The following CNTNAP2 variants were observed in gnomAD, a reference collection of about 807,000 sequenced individuals.
CNTNAP2 encodes contactin-associated protein-like 2.
A neutral mutation model predicts 155.2 loss-of-function variants in CNTNAP2; 98 were observed. The ratio of observed to expected loss-of-function variants is 0.63; its 90% CI spans 0.54 to 0.75. The LOEUF (loss-of-function observed/expected upper bound fraction) is 0.75. Ranked by LOEUF, CNTNAP2 falls within the 30% of genes least tolerant of loss-of-function variation. The probability of loss-of-function intolerance (pLI) is 0.00; values close to 1 mark genes in which losing one functional copy is unlikely to be tolerated. For synonymous variants in CNTNAP2, 651 were observed against 631.2 expected (o/e 1.03, Z -0.47); for missense variants, 1,727 against 1,688.1 (o/e 1.02, Z -0.40).
In CNTNAP2 at chr7:147,593,445, G is replaced by A. The variant is rs1255805491; in HGVS notation, c.1897+31188G>A. 3.9e-5 allele frequency among the ~76,000 whole-genome samples: 6 copies of A among 151,976 alleles called. No homozygotes were observed. In the East Asian group the frequency reaches 9.7e-4, roughly 24 times the overall value. ...TGACATGGCTCTGTTATTAATTTCAGCCATGTGATTGATTTCACAGGTTCT... is the reference window on the plus strand; with the variant it reads ...TGACATGGCTCTGTTATTAATTTCAACCATGTGATTGATTTCACAGGTTCT... On this transcript the variant is annotated intron_variant, in intron 12 of 23. Coordinates refer to ENST00000361727, the MANE Select transcript of CNTNAP2 (RefSeq NM_014141.6).
intron 3 of CNTNAP2, among the ~76,000 whole-genome samples, chr7:146,986,485 C>A (rs780490453): frequency 4.6e-5 from 7 of 152,064 alleles, no homozygotes; most frequent in Non-Finnish European, 8.8e-5. Flanking sequence ...GTATCTTTTT[C>A]ATTTAGTGAC....
At chr7:146,248,523 G>A (rs762634607) in intron 1 of CNTNAP2, among the ~76,000 whole-genome samples, 16 of 152,106 alleles carry the variant, frequency 1.1e-4, no homozygotes, top group Non-Finnish European at 1.9e-4. Context: ...GGGATAAAAC[G>A]TGTCTCCTTT....
intron 14 of CNTNAP2, among the ~76,000 whole-genome samples, chr7:147,957,861 A>G (rs2707591): frequency 0.96 from 146,819 of 152,206 alleles, 70,925 homozygotes; most frequent in Middle Eastern, 1. Flanking sequence ...GATTGCTTGA[A>G]CTCAGGAGTT....
At chr7:146,833,176 G>A (rs1803548587) in intron 2 of CNTNAP2, among the ~76,000 whole-genome samples, 1 of 151,872 alleles carries the variant, frequency 6.6e-6, no homozygotes, top group Admixed American at 6.6e-5. Flanking sequence ...TTAATGAATA[G>A]CATTACCTAT....
chr7:147,630,316 T>TAAAAAAAAAAAAAAA (rs71183024), intron 12 of CNTNAP2, among the ~76,000 whole-genome samples: 2 of 73,106 alleles, frequency 2.7e-5, no homozygotes, highest in African/African-American at 4.2e-5. Context: ...GAAACAGTAG[T>TAAAAAAAAAAAAAAA]AAAAAAAAAA....
rs1190840869 is a variant in CNTNAP2 at position 148,222,484 on chromosome 7, A to ATCCATGAATCTATGAATGGATCAT, written c.3247+4971_3247+4994dup. Among the ~76,000 whole-genome samples the ATCCATGAATCTATGAATGGATCAT allele has an allele frequency of 8.7e-3, 679 of 77,610 alleles. 6 individuals are homozygous for ATCCATGAATCTATGAATGGATCAT. The East Asian group carries it at 0.088, about 10-fold the overall frequency. 50.9% of individuals were successfully genotyped at this position (77,610 alleles called of 152,430 possible). ...AACCTGTTAATCCATTAACCCATTA[A>ATCCATGAATCTATGAATGGATCAT]TCCATGAATCTATGAATGGATCATT... On this transcript the variant is annotated intron_variant, in intron 19 of 23. Coordinates refer to ENST00000361727, the MANE Select transcript of CNTNAP2 (RefSeq NM_014141.6).
intron 14 of CNTNAP2, among the ~76,000 whole-genome samples, chr7:147,925,440 G>C (rs1296581332): frequency 6.6e-6 from 1 of 151,904 alleles, no homozygotes; most frequent in Non-Finnish European, 1.5e-5. Flanking sequence ...GTTTACACTT[G>C]CTGTTGTACA....
At chr7:146,861,865 C>T (rs1257424445) in intron 3 of CNTNAP2, among the ~76,000 whole-genome samples, 2 of 152,122 alleles carry the variant, frequency 1.3e-5, no homozygotes, top group Non-Finnish European at 2.9e-5. Context: ...GCAATCTGAA[C>T]AGAGATGTAT....
At chr7:147,953,732 G>A (rs1320956325) in intron 14 of CNTNAP2, among the ~76,000 whole-genome samples, 1 of 152,048 alleles carries the variant, frequency 6.6e-6, no homozygotes, top group African/African-American at 2.4e-5. Context: ...TATCAGCAGG[G>A]CCATGATCTC....
chr7:146,970,086 A>T (rs1797750950), intron 3 of CNTNAP2, among the ~76,000 whole-genome samples: 1 of 152,224 alleles, frequency 6.6e-6, no homozygotes, highest in African/African-American at 2.4e-5. Context: ...CTTAAACAAT[A>T]GACCTAAAAC....
At chr7:147,320,498 T>A (rs1313535704) in intron 9 of CNTNAP2, among the ~76,000 whole-genome samples, 2 of 152,180 alleles carry the variant, frequency 1.3e-5, no homozygotes, top group African/African-American at 4.8e-5. Context: ...AGGACATTTT[T>A]ATGTTCCTTC....
chr7:146,787,800 C>G (rs776407440), intron 2 of CNTNAP2, among the ~76,000 whole-genome samples: 4 of 152,116 alleles, frequency 2.6e-5, no homozygotes, highest in Admixed American at 1.3e-4. Context: ...GGTGCATTTA[C>G]AGTCCTTTAG....
intron 3 of CNTNAP2, among the ~76,000 whole-genome samples, chr7:146,931,537 A>G (rs554649994): frequency 5.3e-5 from 8 of 151,034 alleles, no homozygotes; most frequent in African/African-American, 2.0e-4. Context: ...CTAGAAAAGC[A>G]AGAGCAAACA....
intron 4 of CNTNAP2, among the ~76,000 whole-genome samples, chr7:147,062,485 C>G (rs551535949): frequency 1.9e-4 from 28 of 151,086 alleles, no homozygotes; most frequent in African/African-American, 6.3e-4. Context: ...AAAGAGATGG[C>G]CTTTTGGGTT....
intron 1 of CNTNAP2, among the ~76,000 whole-genome samples, chr7:146,333,952 C>T (rs1308878317): frequency 6.6e-6 from 1 of 152,148 alleles, no homozygotes; most frequent in East Asian, 1.9e-4. Flanking sequence ...CCATACCTAT[C>T]TGCCAAGGTT....
intron 15 of CNTNAP2, among the ~76,000 whole-genome samples, chr7:148,089,592 G>A (rs1199969311): frequency 6.6e-6 from 1 of 151,276 alleles, no homozygotes; most frequent in Admixed American, 6.6e-5. Flanking sequence ...TAACCAAGGA[G>A]GTAAAAGTTT....
intron 9 of CNTNAP2, among the ~76,000 whole-genome samples, chr7:147,357,162 T>C (rs1012787607): frequency 1.3e-5 from 2 of 152,140 alleles, no homozygotes; most frequent in Admixed American, 1.3e-4. Context: ...TTTCTGGGTC[T>C]ACCCCTTTGT....
intron 1 of CNTNAP2, among the ~76,000 whole-genome samples, chr7:146,505,400 T>C (rs1157385135): frequency 6.6e-6 from 1 of 152,210 alleles, no homozygotes; most frequent in Non-Finnish European, 1.5e-5. Flanking sequence ...CATCTCTAGA[T>C]AACAATGCAA....
chr7:146,477,523 T>G (rs1796895742), intron 1 of CNTNAP2, among the ~76,000 whole-genome samples: 1 of 152,008 alleles, frequency 6.6e-6, no homozygotes, highest in South Asian at 2.1e-4. Flanking sequence ...TACATGGAGT[T>G]GTACTGGATT....
Sources: allele counts gnomAD v4.1 joint callset (sites outside exome capture counted in the v4.1 genomes callset), GRCh38; gene constraint gnomAD v4.1.1; transcripts MANE v1.5; gene names NCBI Gene and HGNC (gene_info 2026-07-23, HGNC 2026-07-21).